ZMYND8: variants seen among roughly 807,000 people sequenced by gnomAD.
ZMYND8 encodes zinc finger MYND-type containing 8, also known as MYND-type zinc finger-containing chromatin reader ZMYND8.
ZMYND8 carries 37 observed loss-of-function variants against 140.8 expected under a neutral mutation model. That is an observed-to-expected ratio of 0.26 (90% CI 0.20 to 0.35). The LOEUF (loss-of-function observed/expected upper bound fraction) is 0.35. Among genes scored for constraint, ZMYND8 ranks in the 10% least tolerant of loss-of-function variants. The pLI is 1.00. For missense variants in ZMYND8, 1,068 were observed against 1,570.0 expected (o/e 0.68, Z 5.40); for synonymous variants, 592 against 597.1 (o/e 0.99, Z 0.12).
chr20:47,313,582 A>G (rs2079133160), intron 2 of ZMYND8, among the ~76,000 whole-genome samples: 1 of 151,848 alleles, frequency 6.6e-6, no homozygotes, highest in African/African-American at 2.4e-5. Flanking sequence ...AGATCGCACC[A>G]CTGCACTCCA....
intron 1 of ZMYND8, chr20:47,355,730 CATT>C (rs1282088974): frequency 6.7e-6 from 1 of 150,164 alleles, no homozygotes; most frequent in Admixed American, 6.7e-5. Flanking sequence ...TAAAAGGTAA[CATT>C]AGTTCCTTGA....
In ZMYND8 at chr20:47,262,504, G is replaced by A. The variant is rs2075228673; in HGVS notation, c.1481-76C>T. ...AACGTGTAGGTGTGGTGTAGGGAGA[G>A]AATGGAGAGATTATGAAATTGTGTT... On this transcript the variant is annotated intron_variant, in intron 11 of 22. Coordinates refer to ENST00000471951, the MANE Select transcript of ZMYND8 (RefSeq NM_001281775.3). 6 of 1,566,264 alleles carry A rather than the reference G, an allele frequency of 3.8e-6. No individual in the cohort carries two copies. In the South Asian group the frequency reaches 6.8e-5, roughly 18 times the overall value.
Position 47,210,910 on chromosome 20 carries a change from A to G in ZMYND8, c.3569-13T>C, listed in dbSNP as rs1263996313. 6.2e-7 allele frequency: 1 copy of G among 1,612,132 alleles called. No individual in the cohort carries two copies. The highest frequency in any genetic ancestry group is 1.7e-5 in the Admixed American group (1 of 59,974). Reference sequence around the variant, plus strand: ...CTCCGGGAATGGTCTGAGGGGGAAAACCAATGTGTTTAGCGTGCCTGCCCA... The same window carrying G: ...CTCCGGGAATGGTCTGAGGGGGAAAGCCAATGTGTTTAGCGTGCCTGCCCA... On this transcript the variant is annotated splice_polypyrimidine_tract_variant and intron_variant, in intron 22 of 22. Transcript: ENST00000471951.
At chr20:47,266,493 G>A (rs2075538550) in intron 11 of ZMYND8, among the ~76,000 whole-genome samples, 1 of 152,070 alleles carries the variant, frequency 6.6e-6, no homozygotes, top group Non-Finnish European at 1.5e-5. Flanking sequence ...TGTTGGCCAG[G>A]CTAATCTGGA....
intron 20 of ZMYND8, among the ~76,000 whole-genome samples, 196 bp downstream of exon 20, chr20:47,221,118 G>A (rs549060518): frequency 6.6e-6 from 1 of 152,140 alleles, no homozygotes; most frequent in Non-Finnish European, 1.5e-5. Flanking sequence ...CCAGCAGAGA[G>A]TACTGGGGAG....
At chr20:47,288,392 C>CTTTTTTTTTT (rs11411701) in intron 7 of ZMYND8, among the ~76,000 whole-genome samples, 1 of 123,292 alleles carries the variant, frequency 8.1e-6, no homozygotes, top group Non-Finnish European at 1.6e-5. Flanking sequence ...TACACCAATT[C>CTTTTTTTTTT]TTTTTTTTTT....
chr20:47,292,920 G>T (rs1017097552), intron 5 of ZMYND8, among the ~76,000 whole-genome samples: 1 of 151,584 alleles, frequency 6.6e-6, no homozygotes, highest in Non-Finnish European at 1.5e-5. Context: ...AGTTAGCTGG[G>T]TGTGGCGGTG....
intron 3 of ZMYND8, among the ~76,000 whole-genome samples, chr20:47,303,575 T>C (rs2078243365): frequency 6.6e-6 from 1 of 151,936 alleles, no homozygotes; most frequent in South Asian, 2.1e-4. Context: ...GGTGGGCGCC[T>C]GTCCAGCTAC....
chr20:47,249,501 G>A (rs983037410), intron 12 of ZMYND8, 62 bp from the exon 13 acceptor site: 39 of 1,571,292 alleles, frequency 2.5e-5, no homozygotes, highest in Admixed American at 1.3e-4. Context: ...ACGGAGCTTC[G>A]TCCTTGCAAA....
chr20:47,249,222 G>A lies in ZMYND8; in HGVS notation c.1774+65C>T. On this transcript the variant is annotated intron_variant, in intron 13 of 22. Transcript: ENST00000471951. ...GATTCAACCTTGATTTCATCCAGGT[G>A]GTATCCCTACCAGTAATGATAACAA... 1.9e-6 allele frequency: 3 copies of A among 1,553,386 alleles called. No individual in the cohort carries two copies. In the South Asian group the frequency reaches 3.7e-5, roughly 19 times the overall value.
intron 11 of ZMYND8, 93 bp downstream of exon 11, chr20:47,276,221 T>G: frequency 2.1e-6 from 3 of 1,427,126 alleles, no homozygotes; most frequent in Non-Finnish European, 2.8e-6. Context: ...CACGATTGCT[T>G]GATGCTCACC....
chr20:47,294,010 G>A (rs2077472564), intron 5 of ZMYND8, among the ~76,000 whole-genome samples: 2 of 152,026 alleles, frequency 1.3e-5, no homozygotes, highest in South Asian at 4.1e-4. Flanking sequence ...ATCATTTTAA[G>A]TTTCCTGAGG....
intron 14 of ZMYND8, among the ~76,000 whole-genome samples, chr20:47,240,956 G>A (rs569702700): frequency 6.6e-5 from 10 of 152,262 alleles, no homozygotes; most frequent in South Asian, 2.1e-4. Context: ...TACACGGGAC[G>A]TGCTACTGTG....
chr20:47,334,860 T>A, intron 2 of ZMYND8, among the ~76,000 whole-genome samples: 1 of 151,752 alleles, frequency 6.6e-6, no homozygotes, highest in East Asian at 2.0e-4. Flanking sequence ...TCCACCCGCC[T>A]CGGCCTCCCA....
chr20:47,246,581 G>C, intron 13 of ZMYND8, 64 bp from the exon 14 acceptor site: 1 of 1,509,830 alleles, frequency 6.6e-7, no homozygotes, highest in Non-Finnish European at 8.8e-7. Flanking sequence ...GATGAAAAAT[G>C]CAAACATTTT....
chr20:47,300,280 T>A (rs975352041), intron 3 of ZMYND8, among the ~76,000 whole-genome samples: 2 of 152,236 alleles, frequency 1.3e-5, no homozygotes, highest in African/African-American at 4.8e-5. Flanking sequence ...TCAACCCACT[T>A]TGAGCCTCAA....
At chr20:47,345,843 G>A (rs963133398) in intron 2 of ZMYND8, among the ~76,000 whole-genome samples, 1 of 147,716 alleles carries the variant, frequency 6.8e-6, no homozygotes, top group African/African-American at 2.6e-5. Context: ...GGGGGCGGGA[G>A]GGGGGGGTCT....
At chr20:47,270,224 T>C (rs1485416442) in intron 11 of ZMYND8, among the ~76,000 whole-genome samples, 1 of 148,648 alleles carries the variant, frequency 6.7e-6, no homozygotes, top group Non-Finnish European at 1.5e-5. Context: ...AGTGATAGAG[T>C]GTGACCCTGT....
chr20:47,350,503 T>C (rs1005361750), intron 1 of ZMYND8, among the ~76,000 whole-genome samples: 3 of 151,594 alleles, frequency 2.0e-5, no homozygotes, highest in African/African-American at 4.8e-5. Context: ...AACTAGTATG[T>C]TATTAGGAAA....
Sources: gnomAD v4.1 joint callset for allele counts (sites outside exome capture counted in the v4.1 genomes callset) on GRCh38, gnomAD v4.1.1 for gene constraint, MANE v1.5 for transcripts, NCBI Gene and HGNC (gene_info 2026-07-23, HGNC 2026-07-21) for gene names.